APLF: variants seen among roughly 807,000 people sequenced by gnomAD.
APLF encodes the protein aprataxin and PNKP like factor, also known as aprataxin and PNK-like factor.
A neutral mutation model predicts 55.6 loss-of-function variants in APLF; 61 were observed. That is an observed-to-expected ratio of 1.10 (90% CI 0.89 to 1.36). The LOEUF (loss-of-function observed/expected upper bound fraction) is 1.36. Ranked by LOEUF, APLF falls within the 40% of genes most tolerant of loss-of-function variation. APLF has a pLI of 0.00. For missense variants in APLF, 611 were observed against 602.5 expected (o/e 1.01, Z -0.15); for synonymous variants, 207 against 214.8 (o/e 0.96, Z 0.32).
In APLF at chr2:68,567,277, T is replaced by A. The variant is rs1228526244; in HGVS notation, c.1287-64T>A. The A allele has an allele frequency of 2.9e-6, 4 of 1,384,066 alleles. No homozygotes were observed. In the Admixed American group the frequency reaches 7.3e-5, roughly 25 times the overall value. The allele number at this position is 1,384,066 out of a possible 1,614,324, so 85.7% of individuals were successfully genotyped here. On this transcript the variant is annotated intron_variant, in intron 8 of 9. Coordinates refer to ENST00000303795, the MANE Select transcript of APLF (RefSeq NM_173545.3). ...TAAGTTAGTCAGTGTTCTGGTTTAG[T>A]GTAAATAGTCATCAACTTTTAGTAA...
chr2:68,551,603 C>CTTTTTTT (rs70954311), intron 8 of APLF, among the ~76,000 whole-genome samples: 1 of 115,750 alleles, frequency 8.6e-6, no homozygotes, highest in Admixed American at 8.7e-5. Context: ...TCTTCTTCTT[C>CTTTTTTT]TTTTTTTTTT....
chr2:68,518,771 T>G (rs1350851570), intron 5 of APLF, among the ~76,000 whole-genome samples: 1 of 107,880 alleles, frequency 9.3e-6, no homozygotes, highest in Non-Finnish European at 1.7e-5. Flanking sequence ...ATATTAATAA[T>G]ATATCATTAT....
At chr2:68,550,228 T>C (rs561402885) in intron 8 of APLF, among the ~76,000 whole-genome samples, 7 of 152,150 alleles carry the variant, frequency 4.6e-5, no homozygotes, top group Admixed American at 6.5e-5. Flanking sequence ...GGTGGAATAC[T>C]TAGTCCATTT....
At chr2:68,575,434 T>C (rs888646056) in intron 9 of APLF, among the ~76,000 whole-genome samples, 1 of 152,108 alleles carries the variant, frequency 6.6e-6, no homozygotes, top group African/African-American at 2.4e-5. Context: ...ATAAAGACTT[T>C]AGATTTTATT....
At chr2:68,504,777 C>T (rs1269082428) in intron 3 of APLF, among the ~76,000 whole-genome samples, 1 of 151,738 alleles carries the variant, frequency 6.6e-6, no homozygotes, top group African/African-American at 2.4e-5. Flanking sequence ...TAGTAATCTA[C>T]CAAAAAGAAA....
At position 68,511,488 on chromosome 2, in the gene APLF, T is replaced by C. The variant is rs113079913; in HGVS notation, c.342-1592T>C. 2.2e-4 allele frequency among the ~76,000 whole-genome samples: 33 copies of C among 151,842 alleles called. 1 individual carries two copies. Among genetic ancestry groups the C allele is most frequent in the African/African-American group, 7.5e-4 (31 of 41,526 alleles). ...ATTGTGGGTAACTATTAATAAAAAT[T>C]ACATATGGACTATAGAGTGTATATG... On this transcript the variant is annotated intron_variant, in intron 3 of 9. Transcript: ENST00000303795.
chr2:68,526,102 G>T lies in APLF; in HGVS notation c.664G>T (p.Asp222Tyr), dbSNP rs1351427649. 6.2e-7 allele frequency: 1 copy of T among 1,613,608 alleles called. No homozygotes were observed. The highest frequency in any genetic ancestry group is 8.5e-7 in the Non-Finnish European group (1 of 1,179,916). ...AAGTGGAAAAGAAGAAATCTGCAAA[G>T]ATAAATCCCAGCTAAACACAACCCA... ...QGSGKEEICK[D>Y]KSQLNTTQQG... The change falls in exon 6 of 10, where the codon GAT becomes TAT. Residue 222 changes from aspartate (D) to tyrosine (Y), a missense_variant. By Grantham distance (160) the Asp-to-Tyr change is radical (BLOSUM62 -3). Coordinates refer to ENST00000303795, the MANE Select transcript of APLF (RefSeq NM_173545.3).
chr2:68,528,505 G>A (rs1374039650), intron 6 of APLF: 5 of 1,533,892 alleles, frequency 3.3e-6, no homozygotes, highest in Non-Finnish European at 4.4e-6. Context: ...TGCGGGACCT[G>A]TGGCCGGCAG....
At chr2:68,560,250 A>T (rs1173394341) in intron 8 of APLF, among the ~76,000 whole-genome samples, 1 of 152,168 alleles carries the variant, frequency 6.6e-6, no homozygotes, top group East Asian at 1.9e-4. Context: ...ATGAAAGCAG[A>T]AACTCTCTGC....
At chr2:68,514,999 A>G (rs1236609356) in intron 5 of APLF, among the ~76,000 whole-genome samples, 1 of 151,798 alleles carries the variant, frequency 6.6e-6, no homozygotes, top group Non-Finnish European at 1.5e-5. Context: ...ATGAATACAC[A>G]TTTTAGTTAG....
intron 9 of APLF, among the ~76,000 whole-genome samples, chr2:68,573,719 T>C (rs1259533459): frequency 6.6e-6 from 1 of 152,012 alleles, no homozygotes; most frequent in Admixed American, 6.6e-5. Flanking sequence ...AAGTGACTTG[T>C]TCATTGTCAT....
intron 5 of APLF, among the ~76,000 whole-genome samples, chr2:68,524,360 G>A (rs1669973329): frequency 6.6e-6 from 1 of 152,170 alleles, no homozygotes; most frequent in Non-Finnish European, 1.5e-5. Context: ...AACTTAATGA[G>A]GGAATGTTAT....
Position 68,561,619 on chromosome 2 carries a change from G to A in APLF, c.1287-5722G>A, listed in dbSNP as rs193033913. Among the ~76,000 whole-genome samples, 463 of 152,206 alleles carry A rather than the reference G, an allele frequency of 3.0e-3. 2 individuals carry two copies. The highest frequency in any genetic ancestry group is 0.011 in the African/African-American group (445 of 41,550). ...TTTCATTGTTTCCTGAGGAAGTAAT[G>A]TGCGTTGTTAATGGCAGGAAATTCT... On this transcript the variant is annotated intron_variant, in intron 8 of 9. Transcript: ENST00000303795.
chr2:68,467,831 A>C lies in APLF; in HGVS notation c.96+4A>C. The C allele has an allele frequency of 8.1e-7, 1 of 1,232,330 alleles. No homozygotes were observed. Among genetic ancestry groups the C allele is most frequent in the Middle Eastern group, 2.8e-4 (1 of 3,540 alleles). The allele number at this position is 1,232,330 out of a possible 1,614,324, so 76.3% of individuals were successfully genotyped here. A position where few individuals can be genotyped will look rare whatever the true frequency, so the allele number is the denominator to read the frequency against. ...CGGCCGCGGGCCGCTGCTGGGAGTA[A>C]GTGTGGGCGGGGGCTTAGCGGACCC... On this transcript the variant is annotated splice_donor_region_variant and intron_variant, in intron 1 of 9. Coordinates refer to ENST00000303795, the MANE Select transcript of APLF (RefSeq NM_173545.3).
intron 1 of APLF, among the ~76,000 whole-genome samples, chr2:68,473,833 C>T (rs1197505144): frequency 1.3e-5 from 2 of 152,210 alleles, no homozygotes; most frequent in Non-Finnish European, 2.9e-5. Flanking sequence ...AGCAAGCGGT[C>T]ACTTTTACAG....
Position 68,579,337 on chromosome 2 carries a change from T to G in APLF, c.*1315T>G, listed in dbSNP as rs1313820727. On this transcript the variant is annotated 3_prime_UTR_variant, in exon 10 of 10. Transcript: ENST00000303795. Reference sequence around the variant, plus strand: ...GGGAACTATTTTTCCCCTTATAATGTCCCTTTAGCCTTGGTAGTATAACAA... The same window carrying G: ...GGGAACTATTTTTCCCCTTATAATGGCCCTTTAGCCTTGGTAGTATAACAA... The G allele has an allele frequency of 8.4e-6, 8 of 953,180 alleles. No individual in the cohort carries two copies. The South Asian group carries it at 3.4e-4, about 41-fold the overall frequency. The allele number at this position is 953,180 out of a possible 1,614,324, so 59.0% of individuals were successfully genotyped here.
At position 68,578,232 on chromosome 2, in the gene APLF, C is replaced by CT; in HGVS notation, c.*212dup. 7.7e-7 allele frequency: 1 copy of CT among 1,298,266 alleles called. No individual in the cohort carries two copies. Among genetic ancestry groups the CT allele is most frequent in the Non-Finnish European group, 9.8e-7 (1 of 1,021,046 alleles). The allele number at this position is 1,298,266 out of a possible 1,614,324, so 80.4% of individuals were successfully genotyped here. ...TTGTTGCCTTGCCTTTTCTTTCCTA[C>CT]TTAAAGCATCTGGAAATAGGAAGAC... On this transcript the variant is annotated 3_prime_UTR_variant, in exon 10 of 10. Transcript: ENST00000303795.
intron 8 of APLF, among the ~76,000 whole-genome samples, 190 bp downstream of exon 8, chr2:68,545,502 T>TA (rs1670680822): frequency 6.6e-6 from 1 of 152,194 alleles, no homozygotes; most frequent in Non-Finnish European, 1.5e-5. Flanking sequence ...TTACTGAAGT[T>TA]ACACATCTAC....
At chr2:68,545,149 AT>A (rs11337234) in intron 7 of APLF, 37 bp from the exon 8 acceptor site, 323,343 of 1,474,680 alleles carry the variant, frequency 0.22, 30,976 homozygotes, top group Non-Finnish European at 0.24. Flanking sequence ...AGAATATCCT[AT>A]TTTTTTTTTC....
Sources: allele counts gnomAD v4.1 joint callset (sites outside exome capture counted in the v4.1 genomes callset), GRCh38; gene constraint gnomAD v4.1.1; transcripts MANE v1.5; gene names NCBI Gene and HGNC (gene_info 2026-07-23, HGNC 2026-07-21).